SEC22A: variants seen among roughly 807,000 people sequenced by gnomAD.
SEC22A encodes the protein SEC22 homolog A, vesicle trafficking protein.
A neutral mutation model predicts 35.3 loss-of-function variants in SEC22A; 22 were observed. That is an observed-to-expected ratio of 0.62 (90% confidence interval 0.45 to 0.89). The LOEUF is 0.89. Among genes scored for constraint, SEC22A ranks in the 40% least tolerant of loss-of-function variants. The pLI is 0.00. For missense variants in SEC22A, 354 were observed against 362.5 expected, an observed-to-expected ratio of 0.98 and a Z score of 0.19; for synonymous variants, 119 against 129.5, an observed-to-expected ratio of 0.92 and a Z score of 0.55.
At chr3:123,214,796 TG>T (rs1936995336) in intron 2 of SEC22A, among the ~76,000 whole-genome samples, 1 of 152,246 alleles carries the variant, frequency 6.6e-6, no homozygotes, top group Non-Finnish European at 1.5e-5. Flanking sequence ...AAATACCTTT[TG>T]GGAAGCCAAT....
intron 5 of SEC22A, among the ~76,000 whole-genome samples, chr3:123,249,514 CAT>C (rs151068447): frequency 1.1e-4 from 17 of 150,320 alleles, no homozygotes; most frequent in African/African-American, 2.2e-4. Context: ...TGTTTTTTAT[CAT>C]ATATATATAT....
intron 5 of SEC22A, among the ~76,000 whole-genome samples, chr3:123,247,657 C>T (rs1937577910): frequency 6.6e-6 from 1 of 152,190 alleles, no homozygotes; most frequent in South Asian, 2.1e-4. Context: ...ATGTCTCTGG[C>T]TCATTGCAGT....
At chr3:123,235,238 A>G (rs1937398088) in intron 4 of SEC22A, among the ~76,000 whole-genome samples, 1 of 152,188 alleles carries the variant, frequency 6.6e-6, no homozygotes, top group South Asian at 2.1e-4. Context: ...TAAGAAAATG[A>G]AAAGGCAACC....
intron 2 of SEC22A, among the ~76,000 whole-genome samples, chr3:123,215,082 C>T (rs758346652): frequency 5.3e-5 from 8 of 152,216 alleles, no homozygotes; most frequent in Non-Finnish European, 1.0e-4. Context: ...TTATTGAGTA[C>T]TTGCTATTGC....
chr3:123,228,587 A>G (rs1355592384), intron 4 of SEC22A, among the ~76,000 whole-genome samples: 5 of 149,978 alleles, frequency 3.3e-5, no homozygotes, highest in Non-Finnish European at 7.4e-5. Context: ...AAAAAAAAAA[A>G]AAAAAAAGAA....
At chr3:123,257,998 A>G (rs1937778540) in intron 5 of SEC22A, among the ~76,000 whole-genome samples, 1 of 151,298 alleles carries the variant, frequency 6.6e-6, no homozygotes, top group African/African-American at 2.4e-5. Flanking sequence ...TCTCATTGAA[A>G]AAAAAAAAAA....
intron 2 of SEC22A, 111 bp downstream of exon 2, chr3:123,209,510 G>A (rs940715371): frequency 2.5e-6 from 2 of 806,464 alleles, no homozygotes; most frequent in Admixed American, 5.5e-5. Flanking sequence ...TTCAAGTCGA[G>A]CATCATATTG....
chr3:123,258,329 A>T (rs963449328), intron 5 of SEC22A, among the ~76,000 whole-genome samples: 1 of 152,204 alleles, frequency 6.6e-6, no homozygotes, highest in Non-Finnish European at 1.5e-5. Flanking sequence ...TTTATAGGTT[A>T]TATTAATTTC....
chr3:123,245,870 C>T (rs905318373), intron 4 of SEC22A, 29 bp from the exon 5 acceptor site: 7 of 1,294,296 alleles, frequency 5.4e-6, no homozygotes, highest in Non-Finnish European at 7.8e-6. Context: ...TATTGGTGTT[C>T]ATTTCTAACT....
intron 2 of SEC22A, among the ~76,000 whole-genome samples, chr3:123,220,892 A>ATATATATATATATATATATATG (rs1937111465): frequency 6.9e-6 from 1 of 144,832 alleles, no homozygotes; most frequent in Non-Finnish European, 1.5e-5. Context: ...ATATATATAT[A>ATATATATATATATATATATATG]TATATGTCAC....
chr3:123,267,277 TTTC>T (rs1036005986), intron 6 of SEC22A, among the ~76,000 whole-genome samples: 1 of 144,170 alleles, frequency 6.9e-6, no homozygotes, highest in African/African-American at 2.5e-5. Flanking sequence ...GACTTTTTTT[TTTC>T]TTTTTTCTTT....
At chr3:123,266,130 G>T (rs1447151649) in intron 6 of SEC22A, among the ~76,000 whole-genome samples, 1 of 152,054 alleles carries the variant, frequency 6.6e-6, no homozygotes, top group East Asian at 1.9e-4. Flanking sequence ...TGTCTGCAGG[G>T]TCTGTAGTGG....
chr3:123,211,805 C>G (rs1430586624), intron 2 of SEC22A, among the ~76,000 whole-genome samples: 1 of 152,208 alleles, frequency 6.6e-6, no homozygotes, highest in East Asian at 2.0e-4. Context: ...CAGTGGCTCA[C>G]ACCTGTAATC....
chr3:123,226,671 C>T (rs891368756), intron 4 of SEC22A, among the ~76,000 whole-genome samples: 1 of 152,130 alleles, frequency 6.6e-6, no homozygotes, highest in Admixed American at 6.5e-5. Flanking sequence ...TGTGGGTTGT[C>T]TCTTCACTTT....
At chr3:123,263,800 T>C (rs1937956316) in intron 6 of SEC22A, among the ~76,000 whole-genome samples, 2 of 152,086 alleles carry the variant, frequency 1.3e-5, no homozygotes, top group South Asian at 4.1e-4. Context: ...CAGATAGGCA[T>C]TTTTTTAGTC....
rs563057356 is a variant in SEC22A at position 123,238,018 on chromosome 3, G to A, written c.542-7881G>A. Among the ~76,000 whole-genome samples, 34 of 152,096 alleles carry A rather than the reference G, an allele frequency of 2.2e-4. No individual in the cohort carries two copies. In the South Asian group the frequency reaches 4.6e-3, roughly 20 times the overall value. ...AAAATTAAAAGATTAGCTAGACATG[G>A]TGGCACGTGACTGTAGTCCCAGCTA... On this transcript the variant is annotated intron_variant, in intron 4 of 6. Coordinates refer to ENST00000492595, the MANE Select transcript of SEC22A (RefSeq NM_012430.5).
chr3:123,223,495 T>G (rs1937166347), intron 2 of SEC22A, 64 bp from the exon 3 acceptor site: 1 of 1,267,004 alleles, frequency 7.9e-7, no homozygotes, highest in Non-Finnish European at 1.1e-6. Context: ...GAACCAGTCT[T>G]GTGAAGCAGT....
chr3:123,202,060 C>T (rs1291980174), intron 1 of SEC22A, 74 bp downstream of exon 1: 1 of 153,406 alleles, frequency 6.5e-6, no homozygotes, highest in African/African-American at 2.4e-5. Flanking sequence ...CCTCTCCCCT[C>T]CCGCTCCCTG....
rs192318198 is a variant in SEC22A at position 123,207,834 on chromosome 3, A to T, written c.-19-1365A>T. Among the ~76,000 whole-genome samples the T allele has an allele frequency of 2.6e-5, 4 of 152,230 alleles. No homozygotes were observed. The South Asian group carries it at 8.3e-4, about 32-fold the overall frequency. On this transcript the variant is annotated intron_variant, in intron 1 of 6. Transcript: ENST00000492595. Reference sequence around the variant, plus strand: ...TTTTTGTAAAGCAAGAAGAGAATCCAATAAAATAGGCCATTAAGATTTACT... The same window carrying T: ...TTTTTGTAAAGCAAGAAGAGAATCCTATAAAATAGGCCATTAAGATTTACT...
Sources: gnomAD v4.1 joint callset for allele counts (sites outside exome capture counted in the v4.1 genomes callset) on GRCh38, gnomAD v4.1.1 for gene constraint, MANE v1.5 for transcripts, NCBI Gene and HGNC (gene_info 2026-07-23, HGNC 2026-07-21) for gene names.